The following CSMD1 variants were observed in gnomAD, a reference collection of about 807,000 sequenced individuals.
The protein encoded by CSMD1 is CUB and Sushi multiple domains 1, also known as CUB and sushi domain-containing protein 1.
CSMD1 carries 213 observed loss-of-function variants against 417.5 expected under a neutral mutation model. The observed-to-expected ratio is 0.51, with a 90% CI of 0.46 to 0.57. The LOEUF (loss-of-function observed/expected upper bound fraction) is 0.57, where lower values mean the gene tolerates loss of function less well. CSMD1 is among the 20% of genes least tolerant of loss of function. The pLI, the probability that CSMD1 is intolerant of heterozygous loss-of-function variation, is 0.00. For synonymous variants in CSMD1, 2,862 were observed against 1,736.8 expected, an observed-to-expected ratio of 1.65 and a Z score of -16.11; for missense variants, 6,923 against 4,529.7, an observed-to-expected ratio of 1.53 and a Z score of -15.17.
At chr8:3,243,719 T>C (rs535872451) in intron 26 of CSMD1, among the ~76,000 whole-genome samples, 5 of 151,746 alleles carry the variant, frequency 3.3e-5, no homozygotes, top group South Asian at 4.2e-4. Flanking sequence ...ACAATAAATA[T>C]AATTATTTAT....
At chr8:4,429,172 A>G (rs1423671041) in intron 2 of CSMD1, among the ~76,000 whole-genome samples, 1 of 150,776 alleles carries the variant, frequency 6.6e-6, no homozygotes, top group Non-Finnish European at 1.5e-5. Context: ...ATATATATTT[A>G]TATAATTGGA....
At chr8:3,831,851 T>A (rs140182238) in intron 5 of CSMD1, among the ~76,000 whole-genome samples, 1 of 152,210 alleles carries the variant, frequency 6.6e-6, no homozygotes, top group African/African-American at 2.4e-5. Context: ...TCCTTGTTCA[T>A]ATAACATAGC....
intron 12 of CSMD1, among the ~76,000 whole-genome samples, chr8:3,417,228 T>C (rs1813214316): frequency 6.6e-6 from 1 of 152,194 alleles, no homozygotes; most frequent in African/African-American, 2.4e-5. Context: ...GTTCCATAAA[T>C]AAGAGGGACC....
chr8:4,116,785 G>C (rs181885070), intron 3 of CSMD1, among the ~76,000 whole-genome samples: 27 of 151,758 alleles, frequency 1.8e-4, no homozygotes, highest in African/African-American at 6.3e-4. Flanking sequence ...AGTCTGTTCG[G>C]TTTTGCTGTC....
intron 3 of CSMD1, among the ~76,000 whole-genome samples, chr8:4,273,012 C>G (rs1804700106): frequency 6.6e-6 from 1 of 152,054 alleles, no homozygotes; most frequent in African/African-American, 2.4e-5. Context: ...CGTCATGTAC[C>G]TGACATTTCT....
intron 3 of CSMD1, among the ~76,000 whole-genome samples, chr8:4,225,249 CCAT>C (rs1410503502): frequency 6.6e-6 from 1 of 152,150 alleles, no homozygotes; most frequent in Non-Finnish European, 1.5e-5. Context: ...CAATGACAAA[CCAT>C]CATTTTCTTC....
At chr8:3,948,600 T>G (rs1275669311) in intron 5 of CSMD1, among the ~76,000 whole-genome samples, 1 of 152,150 alleles carries the variant, frequency 6.6e-6, no homozygotes, top group Non-Finnish European at 1.5e-5. Context: ...ATGAACGTGT[T>G]TTAACATCAA....
At chr8:4,438,531 T>C (rs1046717060) in intron 2 of CSMD1, among the ~76,000 whole-genome samples, 1 of 152,204 alleles carries the variant, frequency 6.6e-6, no homozygotes, top group African/African-American at 2.4e-5. Flanking sequence ...TCCCACTCCT[T>C]TCACATGTTT....
At position 4,855,794 on chromosome 8, in the gene CSMD1, T is replaced by C. The variant is rs554666411; in HGVS notation, c.85+138538A>G. ...AGACCAAATCTACGTCTGATTGGTG[T>C]ACCTGAAAGTGATGGGGAGAATGGA... On this transcript the variant is annotated intron_variant, in intron 1 of 69. Coordinates refer to ENST00000635120, the MANE Select transcript of CSMD1 (RefSeq NM_033225.6). 7.1e-3 allele frequency among the ~76,000 whole-genome samples: 1,080 copies of C among 151,798 alleles called. 5 individuals carry two copies. Among genetic ancestry groups the C allele is most frequent in the Non-Finnish European group, 0.01 (696 of 67,958 alleles).
At chr8:3,897,223 T>A (rs926882571) in intron 5 of CSMD1, among the ~76,000 whole-genome samples, 14 of 152,170 alleles carry the variant, frequency 9.2e-5, no homozygotes, top group African/African-American at 2.4e-5. Context: ...AGGAGTGAGA[T>A]GACACAGCCT....
At chr8:3,978,213 G>C (rs376666863) in intron 5 of CSMD1, among the ~76,000 whole-genome samples, 6 of 152,182 alleles carry the variant, frequency 3.9e-5, no homozygotes, top group Non-Finnish European at 8.8e-5. Flanking sequence ...GGTCACTGCT[G>C]TGTGCTAGGA....
chr8:3,537,982 T>A (rs991644157), intron 10 of CSMD1, among the ~76,000 whole-genome samples: 1 of 152,226 alleles, frequency 6.6e-6, no homozygotes, highest in African/African-American at 2.4e-5. Flanking sequence ...TTCTTCTATT[T>A]ATCATATCCT....
intron 5 of CSMD1, among the ~76,000 whole-genome samples, chr8:3,852,012 G>C (rs375869979): frequency 1.3e-5 from 2 of 152,124 alleles, no homozygotes; most frequent in Non-Finnish European, 2.9e-5. Context: ...TGCAATCACC[G>C]GTGAGGACAA....
chr8:4,773,735 T>A (rs929614176), intron 1 of CSMD1, among the ~76,000 whole-genome samples: 1 of 152,172 alleles, frequency 6.6e-6, no homozygotes, highest in Non-Finnish European at 1.5e-5. Flanking sequence ...ACATTACCCA[T>A]TTCCCTTAAA....
At chr8:3,617,620 T>C (rs2117174526) in intron 7 of CSMD1, among the ~76,000 whole-genome samples, 1 of 152,308 alleles carries the variant, frequency 6.6e-6, no homozygotes, top group African/African-American at 2.4e-5. Flanking sequence ...AATTTCTGTG[T>C]CCAGGTTTCA....
chr8:2,983,172 G>GAT (rs200289883), intron 54 of CSMD1, among the ~76,000 whole-genome samples: 1,704 of 151,908 alleles, frequency 0.011, 44 homozygotes, highest in African/African-American at 0.038. Flanking sequence ...ATCTATATCT[G>GAT]ATATATATAT....
At chr8:3,206,415 G>T (rs371540892) in intron 30 of CSMD1, among the ~76,000 whole-genome samples, 14 of 119,958 alleles carry the variant, frequency 1.2e-4, no homozygotes, top group South Asian at 2.8e-4. Context: ...TTATGTCTGT[G>T]TGTGTATGTG....
intron 2 of CSMD1, among the ~76,000 whole-genome samples, chr8:4,431,120 T>G (rs79627642): frequency 2.2e-4 from 34 of 152,198 alleles, no homozygotes; most frequent in Non-Finnish European, 3.2e-4. Flanking sequence ...ACCACATGAC[T>G]GTAGAAAAAG....
At chr8:3,812,606 A>T (rs1331426607) in intron 5 of CSMD1, among the ~76,000 whole-genome samples, 2 of 152,216 alleles carry the variant, frequency 1.3e-5, no homozygotes, top group East Asian at 3.8e-4. Context: ...ATAAAGGGCC[A>T]AAATGGAAAA....
Sources: gnomAD v4.1 joint callset for allele counts (sites outside exome capture counted in the v4.1 genomes callset) on GRCh38, gnomAD v4.1.1 for gene constraint, MANE v1.5 for transcripts, NCBI Gene and HGNC (gene_info 2026-07-23, HGNC 2026-07-21) for gene names.